The following SCGB2A1 variants were observed in gnomAD, a reference collection of about 807,000 sequenced individuals.
The protein encoded by SCGB2A1 is mammaglobin-B.
SCGB2A1 carries 6 observed loss-of-function variants against 9.2 expected under a neutral mutation model. That is an observed-to-expected ratio of 0.66 (90% CI 0.36 to 1.29). The LOEUF (loss-of-function observed/expected upper bound fraction) is 1.29, where lower values mean the gene tolerates loss of function less well. SCGB2A1 is among the 50% of genes most tolerant of loss of function. The probability of loss-of-function intolerance (pLI) is 0.03; values close to 1 mark genes in which losing one functional copy is unlikely to be tolerated. For synonymous variants in SCGB2A1, 37 were observed against 41.0 expected (o/e 0.90, Z 0.37); for missense variants, 138 against 116.9 (o/e 1.18, Z -0.83).
chr11:62,210,739 C>A (rs1001319650), intron 2 of SCGB2A1, 139 bp downstream of exon 2: 34 of 616,686 alleles, frequency 5.5e-5, no homozygotes, highest in Non-Finnish European at 8.0e-5. Context: ...TGTCTCCAGG[C>A]TGCTTTGCCA....
At position 62,213,942 on chromosome 11, in the gene SCGB2A1, A is replaced by G. The variant is rs1944859139; in HGVS notation, c.*172A>G. On this transcript the variant is annotated 3_prime_UTR_variant, in exon 3 of 3. Coordinates refer to ENST00000244930, the MANE Select transcript of SCGB2A1 (RefSeq NM_002407.3). ...CAATAAACTAACTGCAAATCACTAA[A>G]ATTCTTTCTTGTTCTTCTATAAAAA... 1 of 535,866 alleles carries G rather than the reference A, an allele frequency of 1.9e-6. No homozygotes were observed. Among genetic ancestry groups the G allele is most frequent in the East Asian group, 3.1e-5 (1 of 32,188 alleles). The allele number at this position is 535,866 out of a possible 1,614,324, so 33.2% of individuals were successfully genotyped here.
chr11:62,213,854 T>C lies in SCGB2A1; in HGVS notation c.*84T>C. 1 of 1,198,126 alleles carries C rather than the reference T, an allele frequency of 8.3e-7. No individual in the cohort carries two copies. The highest frequency in any genetic ancestry group is 1.2e-6 in the Non-Finnish European group (1 of 826,990). The allele number at this position is 1,198,126 out of a possible 1,614,324, so 74.2% of individuals were successfully genotyped here. The stretch of plus-strand genomic sequence containing the variant: ...ATTGCTAGAAACCACTTTTCTTTCT[T>C]GTGTTGTCTTTTTATGTGGAAACTG... On this transcript the variant is annotated 3_prime_UTR_variant, in exon 3 of 3. Transcript: ENST00000244930.
In SCGB2A1 at chr11:62,208,775, A is replaced by T. The variant is rs1406224338; in HGVS notation, c.44A>T (p.His15Leu). The change falls in exon 1 of 3, where the codon CAC (histidine) becomes CTC (leucine). Residue 15 changes from histidine to leucine, a missense_variant. His to Leu is a moderately conservative substitution (Grantham distance 99, BLOSUM62 -3). Coordinates refer to ENST00000244930, the MANE Select transcript of SCGB2A1 (RefSeq NM_002407.3). The stretch of plus-strand genomic sequence containing the variant: ...CTCATGCTGGCGGCCCTCCTCCTGC[A>T]CTGCTATGCAGGTGAGTTCTGGGCA... ...MVLMLAALLL[H>L]CYADSGCKLL... 1 of 1,613,366 alleles carries T rather than the reference A, an allele frequency of 6.2e-7. No homozygotes were observed. Among genetic ancestry groups the T allele is most frequent in the Admixed American group, 1.7e-5 (1 of 60,010 alleles).
rs200093725 is a variant in SCGB2A1, at chr11:62,210,752, TC to T, written c.243+153del. Reference sequence around the variant, plus strand: ...TTTGTCTCCAGGCTGCTTTGCCACTTCACATTGAGAATCTTTAGGGAGTGAT... The same window carrying T: ...TTTGTCTCCAGGCTGCTTTGCCACTTACATTGAGAATCTTTAGGGAGTGAT... On this transcript the variant is annotated intron_variant, in intron 2 of 2. Transcript: ENST00000244930. The T allele has an allele frequency of 0.011, 6,751 of 587,916 alleles. 324 individuals carry two copies. In the Admixed American group the frequency reaches 0.13, roughly 11 times the overall value. The allele number at this position is 587,916 out of a possible 1,614,324, so 36.4% of individuals were successfully genotyped here.
chr11:62,208,901 G>A, intron 1 of SCGB2A1, 115 bp downstream of exon 1: 4 of 970,950 alleles, frequency 4.1e-6, no homozygotes, highest in Non-Finnish European at 6.3e-6. Context: ...TGAAGGGCCT[G>A]GGTGCGATAG....
In SCGB2A1 at chr11:62,208,761, G is replaced by T. The variant is rs752735999; in HGVS notation, c.30G>T (p.Ala10=). The T allele has an allele frequency of 1.9e-6, 3 of 1,613,392 alleles. No homozygotes were observed. Reference sequence around the variant, plus strand: ...AGCTGCTGATGGTCCTCATGCTGGCGGCCCTCCTCCTGCACTGCTATGCAG... The same window carrying T: ...AGCTGCTGATGGTCCTCATGCTGGCTGCCCTCCTCCTGCACTGCTATGCAG... MKLLMVLML[A]ALLLHCYADS... is the part of the protein sequence containing the mutation. Residue 10 remains alanine (A), a synonymous_variant, in exon 1 of 3, where the codon GCG becomes GCT. Coordinates refer to ENST00000244930, the MANE Select transcript of SCGB2A1 (RefSeq NM_002407.3).
rs67975205 is a variant in SCGB2A1, at chr11:62,213,106, A to ATATATATATT, written c.244-619_244-618insATATATATTT. Reference sequence around the variant, plus strand: ...CATATATACACATATATATATATATATTTTTTTTTTTGTAGAGATGGCATT... The same window carrying ATATATATATT: ...CATATATACACATATATATATATATATATATATATTTTTTTTTTTTTGTAGAGATGGCATT... On this transcript the variant is annotated intron_variant, in intron 2 of 2. Transcript: ENST00000244930. Among the ~76,000 whole-genome samples the ATATATATATT allele has an allele frequency of 7.0e-3, 808 of 116,218 alleles. 53 individuals are homozygous for ATATATATATT. The highest frequency in any genetic ancestry group is 0.013 in the South Asian group (49 of 3,768). 76.2% of individuals were successfully genotyped at this position (116,218 alleles called of 152,430 possible).
chr11:62,210,321 T>G, intron 1 of SCGB2A1, 92 bp from the exon 2 acceptor site: 1 of 1,465,342 alleles, frequency 6.8e-7, no homozygotes. Context: ...GGTACGAAGA[T>G]AGCCAGCTTC....
chr11:62,212,729 T>C (rs1417904357), intron 2 of SCGB2A1, among the ~76,000 whole-genome samples: 2 of 151,886 alleles, frequency 1.3e-5, no homozygotes, highest in Non-Finnish European at 2.9e-5. Flanking sequence ...CTTGTTTCCG[T>C]TTTTTTGTCT....
chr11:62,213,000 GTACACATATA>G lies in SCGB2A1; in HGVS notation c.244-724_244-715del, dbSNP rs1380305012. Reference sequence around the variant, plus strand: ...TATGTGCACATATACATGCATATATGTACACATATATGCACATATATACATATATACACAC... The same window carrying G: ...TATGTGCACATATACATGCATATATGTGCACATATATACATATATACACAC... On this transcript the variant is annotated intron_variant, in intron 2 of 2. Transcript: ENST00000244930. Among the ~76,000 whole-genome samples the G allele has an allele frequency of 9.2e-4, 81 of 87,954 alleles. No homozygotes were observed. In the East Asian group the frequency reaches 0.02, roughly 21 times the overall value. The allele number at this position is 87,954 out of a possible 152,430, so 57.7% of individuals were successfully genotyped here. A position where few individuals can be genotyped will look rare whatever the true frequency, so the allele number is the denominator to read the frequency against.
chr11:62,209,635 A>G (rs1214961940), intron 1 of SCGB2A1, among the ~76,000 whole-genome samples: 28 of 142,202 alleles, frequency 2.0e-4, no homozygotes, highest in South Asian at 7.3e-4. Flanking sequence ...TTTCACATTC[A>G]TGTGTGTGTG....
At chr11:62,209,801 A>C (rs1319400862) in intron 1 of SCGB2A1, among the ~76,000 whole-genome samples, 1 of 152,094 alleles carries the variant, frequency 6.6e-6, no homozygotes, top group East Asian at 1.9e-4. Flanking sequence ...CAGCCTCCCG[A>C]GTAGCTGGGA....
intron 1 of SCGB2A1, 82 bp from the exon 2 acceptor site, chr11:62,210,331 C>T (rs1944818369): frequency 2.5e-5 from 37 of 1,492,790 alleles, no homozygotes; most frequent in Non-Finnish European, 3.1e-5. Context: ...TAGCCAGCTT[C>T]CCAATTCATC....
intron 2 of SCGB2A1, among the ~76,000 whole-genome samples, chr11:62,212,967 T>C (rs1254231996): frequency 6.6e-6 from 1 of 150,528 alleles, no homozygotes; most frequent in Non-Finnish European, 1.5e-5. Flanking sequence ...TACACATATG[T>C]ACACATATAT....
intron 2 of SCGB2A1, among the ~76,000 whole-genome samples, chr11:62,213,116 T>TTTTTTTTTG (rs1590656027): frequency 8.1e-6 from 1 of 123,924 alleles, no homozygotes; most frequent in Non-Finnish European, 1.8e-5. Flanking sequence ...ATTTTTTTTT[T>TTTTTTTTTG]TGTAGAGATG....
At chr11:62,210,621 T>C (rs761031412) in intron 2 of SCGB2A1, 21 bp downstream of exon 2, 7 of 1,497,456 alleles carry the variant, frequency 4.7e-6, no homozygotes, top group Non-Finnish European at 2.7e-6. Flanking sequence ...TTTCTTCTTA[T>C]GTACCCTTTG....
Position 62,210,472 on chromosome 11 carries a change from A to G in SCGB2A1, c.115A>G (p.Ile39Val). 6.3e-7 allele frequency: 1 copy of G among 1,590,272 alleles called. No individual in the cohort carries two copies. Among genetic ancestry groups the G allele is most frequent in the African/African-American group, 1.4e-5 (1 of 72,260 alleles). Residue 39 changes from isoleucine to valine, a missense_variant, in exon 2 of 3, where the codon ATA (isoleucine) becomes GTA (valine). Coordinates refer to ENST00000244930, the MANE Select transcript of SCGB2A1 (RefSeq NM_002407.3). ...VEKTINSDIS[I>V]PEYKELLQEF... ...AAAGACCATCAATTCCGACATATCT[A>G]TACCTGAATACAAAGAGCTTCTTCA...
intron 1 of SCGB2A1, among the ~76,000 whole-genome samples, 191 bp downstream of exon 1, chr11:62,208,977 T>C (rs898045468): frequency 3.3e-5 from 5 of 152,106 alleles, no homozygotes; most frequent in Admixed American, 6.5e-5. Context: ...GTCCCCTGCA[T>C]TGGAGCTGCA....
At chr11:62,213,091 C>CACATATAT (rs57411910) in intron 2 of SCGB2A1, among the ~76,000 whole-genome samples, 195 of 13,832 alleles carry the variant, frequency 0.014, 10 homozygotes, top group East Asian at 0.032. Flanking sequence ...CATATATACA[C>CACATATAT]ATATATATAT....
Sources: allele counts gnomAD v4.1 joint callset (sites outside exome capture counted in the v4.1 genomes callset), GRCh38; gene constraint gnomAD v4.1.1; transcripts MANE v1.5; gene names NCBI Gene and HGNC (gene_info 2026-07-23, HGNC 2026-07-21).